EPAS1: variants seen among roughly 807,000 people sequenced by gnomAD.
The protein encoded by EPAS1 is endothelial PAS domain protein 1, also known as endothelial PAS domain-containing protein 1.
Under a neutral mutation model 87.9 loss-of-function variants are expected in EPAS1, and 23 were observed. The observed-to-expected ratio is 0.26, with a 90% CI of 0.19 to 0.37. The LOEUF (loss-of-function observed/expected upper bound fraction) is 0.37. Among genes scored for constraint, EPAS1 ranks in the 10% least tolerant of loss-of-function variants. The probability of loss-of-function intolerance (pLI) is 1.00; values close to 1 mark genes in which losing one functional copy is unlikely to be tolerated. For synonymous variants in EPAS1, 508 were observed against 444.3 expected (o/e 1.14, Z -1.80); for missense variants, 1,138 against 1,120.7 (o/e 1.02, Z -0.22).
Position 46,380,046 on chromosome 2 carries a change from G to A in EPAS1, c.1555-181G>A, listed in dbSNP as rs559501022. The A allele has an allele frequency of 1.4e-3, 1,281 of 888,074 alleles. 1 individual carries two copies. Among genetic ancestry groups the A allele is most frequent in the Non-Finnish European group, 2.1e-3 (1,143 of 542,430 alleles). The allele number at this position is 888,074 out of a possible 1,614,324, so 55.0% of individuals were successfully genotyped here. ...GAAGGCTGGTACATGATACAAGGTC[G>A]TGTACATGACACAGCCAAGTCTGAG... On this transcript the variant is annotated intron_variant, in intron 11 of 15. Coordinates refer to ENST00000263734, the MANE Select transcript of EPAS1 (RefSeq NM_001430.5). This position sits in a 1 kb window ranked among gnomAD's most constrained non-coding sequence, Gnocchi z 4.4.
intron 6 of EPAS1, among the ~76,000 whole-genome samples, chr2:46,368,124 C>G (rs559564443): frequency 7.2e-5 from 11 of 152,246 alleles, no homozygotes; most frequent in Admixed American, 1.3e-4. Context: ...AAAGTGGTCC[C>G]TGAGTTCAGG....
chr2:46,325,649 G>C (rs568548339), intron 1 of EPAS1, among the ~76,000 whole-genome samples: 1 of 152,168 alleles, frequency 6.6e-6, no homozygotes, highest in African/African-American at 2.4e-5. Context: ...GGTGTTGGAG[G>C]AGGAGTTCCA....
chr2:46,299,203 C>G (rs1355969911), intron 1 of EPAS1, among the ~76,000 whole-genome samples: 1 of 152,368 alleles, frequency 6.6e-6, no homozygotes, highest in East Asian at 1.9e-4. Context: ...TCGAAAGCAG[C>G]GGTTCCCACC....
At chr2:46,379,694 CT>C (rs979728570) in intron 11 of EPAS1, 9 of 179,268 alleles carry the variant, frequency 5.0e-5, no homozygotes, top group Admixed American at 1.1e-4. Flanking sequence ...TGAGTATCTG[CT>C]GATTGGAACC....
In EPAS1 at chr2:46,346,396, C is replaced by G. The variant is rs186937760; in HGVS notation, c.27-477C>G. ...GCGGGATCTAGGGTTCAGTACTACT[C>G]TTAATTTTTTCTGATTGTGTCTTAT... On this transcript the variant is annotated intron_variant, in intron 1 of 15. Coordinates refer to ENST00000263734, the MANE Select transcript of EPAS1 (RefSeq NM_001430.5). This position sits in a 1 kb window ranked among gnomAD's most constrained non-coding sequence, Gnocchi z 4.0. Among the ~76,000 whole-genome samples the G allele has an allele frequency of 6.6e-6, 1 of 152,182 alleles. No homozygotes were observed. The highest frequency in any genetic ancestry group is 1.5e-5 in the Non-Finnish European group (1 of 68,028).
chr2:46,380,016 TG>T lies in EPAS1; in HGVS notation c.1555-206del. ...GTGCAGGGTGAAGAGGGGATAAACA[TG>T]GGGGAAGGCTGGTACATGATACAAG... On this transcript the variant is annotated intron_variant, in intron 11 of 15. Coordinates refer to ENST00000263734, the MANE Select transcript of EPAS1 (RefSeq NM_001430.5). The surrounding 1 kb of genome is among the most constrained non-coding windows in gnomAD (Gnocchi z 4.4). 2 of 727,190 alleles carry T rather than the reference TG, an allele frequency of 2.8e-6. No individual in the cohort carries two copies. Among genetic ancestry groups the T allele is most frequent in the Non-Finnish European group, 4.8e-6 (2 of 417,040 alleles). The allele number at this position is 727,190 out of a possible 1,614,324, so 45.0% of individuals were successfully genotyped here.
chr2:46,359,268 A>AAAAAAAAAG (rs1684337091), intron 4 of EPAS1, among the ~76,000 whole-genome samples: 1 of 147,774 alleles, frequency 6.8e-6, no homozygotes, highest in African/African-American at 2.5e-5. Flanking sequence ...AAAAAAAAAA[A>AAAAAAAAAG]AAAAAAAAAA....
intron 4 of EPAS1, among the ~76,000 whole-genome samples, chr2:46,358,032 C>G (rs950866570): frequency 6.6e-6 from 1 of 152,214 alleles, no homozygotes. Context: ...TCTTTAACAA[C>G]CTCACCTGTC....
chr2:46,297,732 C>G lies in EPAS1; in HGVS notation c.-180C>G. 2 of 711,062 alleles carry G rather than the reference C, an allele frequency of 2.8e-6. No individual in the cohort carries two copies. Among genetic ancestry groups the G allele is most frequent in the Non-Finnish European group, 4.6e-6 (2 of 434,328 alleles). 44.0% of individuals were successfully genotyped at this position (711,062 alleles called of 1,614,324 possible). ...CAGTCACCTTTCTCCACCCCCGCCCCCGCACCTAGCCCGCCGCGCGCCACC... is the reference window on the plus strand; with the variant it reads ...CAGTCACCTTTCTCCACCCCCGCCCGCGCACCTAGCCCGCCGCGCGCCACC... On this transcript the variant is annotated 5_prime_UTR_variant, in exon 1 of 16. Coordinates refer to ENST00000263734, the MANE Select transcript of EPAS1 (RefSeq NM_001430.5).
In EPAS1 at chr2:46,380,397, C is replaced by G. The variant is rs1558611943; in HGVS notation, c.1725C>G (p.Ala575=). Residue 575 remains alanine (A), a synonymous_variant, in exon 12 of 16, where the codon GCC becomes GCG. Transcript: ENST00000263734. This position sits in a 1 kb window ranked among gnomAD's most constrained non-coding sequence, Gnocchi z 4.4. ...SAMTNIFQPL[A]PVAPHSPFLL... The stretch of plus-strand genomic sequence containing the variant: ...TGACAAACATCTTCCAGCCACTGGC[C>G]CCTGTAGCCCCGCACAGTCCCTTCC... The G allele has an allele frequency of 6.2e-7, 1 of 1,614,190 alleles. No homozygotes were observed. The highest frequency in any genetic ancestry group is 1.7e-5 in the Admixed American group (1 of 60,030).
In EPAS1 at chr2:46,369,994, G is replaced by C. The variant is rs946020336; in HGVS notation, c.886+61G>C. ...GTCTGTGGTATGTGGCCTTGAGTGG[G>C]GTGTGACTGGTGAGACAGAAGACCA... On this transcript the variant is annotated intron_variant, in intron 7 of 15. Coordinates refer to ENST00000263734, the MANE Select transcript of EPAS1 (RefSeq NM_001430.5). 4 of 1,247,470 alleles carry C rather than the reference G, an allele frequency of 3.2e-6. No homozygotes were observed. The African/African-American group carries it at 5.9e-5, about 19-fold the overall frequency. 77.3% of individuals were successfully genotyped at this position (1,247,470 alleles called of 1,614,324 possible).
At chr2:46,318,510 G>A (rs1365494665) in intron 1 of EPAS1, among the ~76,000 whole-genome samples, 2 of 152,166 alleles carry the variant, frequency 1.3e-5, no homozygotes, top group African/African-American at 2.4e-5. Context: ...ATAAAGTAAG[G>A]CATAATAAAA....
At position 46,381,988 on chromosome 2, in the gene EPAS1, G is replaced by T; in HGVS notation, c.2186G>T (p.Gly729Val). The change falls in exon 14 of 16, where the codon GGT (glycine) becomes GTT (valine). Residue 729 changes from glycine (G) to valine (V), a missense_variant. By Grantham distance (109) the Gly-to-Val change is moderately radical (BLOSUM62 -3). This residue lies in a region of EPAS1 where 502 missense variants were observed against 427.1 expected (regional missense o/e 1.18). Coordinates refer to ENST00000263734, the MANE Select transcript of EPAS1 (RefSeq NM_001430.5). ...FQDLSGGDPPGGSTSHLMWKR... is the reference protein window; with the variant it reads ...FQDLSGGDPPVGSTSHLMWKR... ...TCTTACTCCCAGGGGGACCCACCTG[G>T]TGGCAGCACCTCACATTTGATGTGG... The T allele has an allele frequency of 1.2e-6, 2 of 1,613,852 alleles. No homozygotes were observed. The highest frequency in any genetic ancestry group is 1.7e-6 in the Non-Finnish European group (2 of 1,179,910).
intron 1 of EPAS1, among the ~76,000 whole-genome samples, chr2:46,301,901 T>C (rs1356797900): frequency 2.0e-5 from 3 of 151,834 alleles, no homozygotes; most frequent in African/African-American, 4.8e-5. Flanking sequence ...TATGAATTCA[T>C]TGTTTTAGTT....
At chr2:46,323,451 C>A (rs1009361840) in intron 1 of EPAS1, among the ~76,000 whole-genome samples, 1 of 152,146 alleles carries the variant, frequency 6.6e-6, no homozygotes, top group African/African-American at 2.4e-5. Context: ...TCTTGCGCAC[C>A]CAACAGTTCT....
At chr2:46,355,445 C>T (rs1193330409) in intron 2 of EPAS1, among the ~76,000 whole-genome samples, 1 of 152,198 alleles carries the variant, frequency 6.6e-6, no homozygotes, top group African/African-American at 2.4e-5. Context: ...GCTAGCTTTG[C>T]AATCTTTATA....
At position 46,379,983 on chromosome 2, in the gene EPAS1, T is replaced by A. The variant is rs183088226; in HGVS notation, c.1555-244T>A. The A allele has an allele frequency of 2.9e-3, 1,809 of 616,684 alleles. 4 individuals are homozygous for A. Among genetic ancestry groups the A allele is most frequent in the Non-Finnish European group, 2.8e-3 (973 of 346,602 alleles). The allele number at this position is 616,684 out of a possible 1,614,324, so 38.2% of individuals were successfully genotyped here. ...AGGTGGGATGGGGAGAGGAGAACAT[T>A]TCTCAATGTGCAGGGTGAAGAGGGG... On this transcript the variant is annotated intron_variant, in intron 11 of 15. Coordinates refer to ENST00000263734, the MANE Select transcript of EPAS1 (RefSeq NM_001430.5).
Position 46,380,149 on chromosome 2 carries a change from T to C in EPAS1, c.1555-78T>C. 1 of 1,597,450 alleles carries C rather than the reference T, an allele frequency of 6.3e-7. No homozygotes were observed. Among genetic ancestry groups the C allele is most frequent in the East Asian group, 2.2e-5 (1 of 44,856 alleles). ...AAACAGTGCTTGAGATGAATGGCTCTGCAGGAGCTGAGTTGGAATAGTGTT... is the reference window on the plus strand; with the variant it reads ...AAACAGTGCTTGAGATGAATGGCTCCGCAGGAGCTGAGTTGGAATAGTGTT... On this transcript the variant is annotated intron_variant, in intron 11 of 15. Transcript: ENST00000263734. This position sits in a 1 kb window ranked among gnomAD's most constrained non-coding sequence, Gnocchi z 4.4.
intron 2 of EPAS1, among the ~76,000 whole-genome samples, chr2:46,352,850 C>T (rs1684198469): frequency 6.6e-6 from 1 of 152,226 alleles, no homozygotes; most frequent in African/African-American, 2.4e-5. Context: ...GATTGCCCCT[C>T]TCCCTCCCGG....
Sources: allele counts gnomAD v4.1 joint callset (sites outside exome capture counted in the v4.1 genomes callset), GRCh38; gene constraint gnomAD v4.1.1; regional missense constraint gnomAD v4.1.1; non-coding constraint Gnocchi (gnomAD v3.1); transcripts MANE v1.5; gene names NCBI Gene and HGNC (gene_info 2026-07-23, HGNC 2026-07-21).